Variants in TCF12 observed in about 807,000 individuals in gnomAD.
TCF12 encodes transcription factor 12, also known as DNA-binding protein HTF4.
In TCF12, 45 loss-of-function variants were observed where a neutral mutation model predicts 86.0. The ratio of observed to expected loss-of-function variants is 0.52; its 90% CI spans 0.41 to 0.67. The LOEUF is 0.67. TCF12 is among the 30% of genes least tolerant of loss of function. TCF12 has a pLI of 0.00. For missense variants in TCF12, 881 were observed against 859.9 expected, an observed-to-expected ratio of 1.02 and a Z score of -0.31; for synonymous variants, 330 against 299.6, an observed-to-expected ratio of 1.10 and a Z score of -1.05.
chr15:57,123,982 A>AAAAAAAAAAAAAAAAAAAAAAAAAAAAT (rs1555511574), intron 5 of TCF12, among the ~76,000 whole-genome samples: 1 of 111,214 alleles, frequency 9.0e-6, no homozygotes, highest in African/African-American at 3.0e-5. Flanking sequence ...AAAAAAAAAA[A>AAAAAAAAAAAAAAAAAAAAAAAAAAAAT]TTTTTTTTTT....
intron 4 of TCF12, among the ~76,000 whole-genome samples, chr15:57,086,912 G>C (rs1325891392): frequency 6.6e-6 from 1 of 152,002 alleles, no homozygotes; most frequent in South Asian, 2.1e-4. Flanking sequence ...TTTTAAATGA[G>C]CCGTTTTAAA....
chr15:56,919,684 C>A (rs557711935), intron 1 of TCF12: 5 of 398,482 alleles, frequency 1.3e-5, no homozygotes, highest in Non-Finnish European at 2.3e-5. Flanking sequence ...TCTCGGGCCG[C>A]GGCGAGGAAC....
intron 2 of TCF12, 144 bp from the exon 3 acceptor site, chr15:56,920,882 C>T: frequency 5.6e-6 from 3 of 538,496 alleles, no homozygotes; most frequent in East Asian, 3.2e-5. Flanking sequence ...GTGTATTTGC[C>T]TCTCTGGATC....
intron 5 of TCF12, among the ~76,000 whole-genome samples, chr15:57,093,813 T>C (rs2049146035): frequency 6.6e-6 from 1 of 152,238 alleles, no homozygotes; most frequent in Admixed American, 6.5e-5. Context: ...TAAATATTTG[T>C]AAGTAGATTG....
At chr15:56,951,885 G>A (rs568533200) in intron 3 of TCF12, among the ~76,000 whole-genome samples, 5 of 152,180 alleles carry the variant, frequency 3.3e-5, no homozygotes, top group African/African-American at 9.6e-5. Flanking sequence ...TGGGCTCAGA[G>A]GATTCTCCCA....
intron 3 of TCF12, among the ~76,000 whole-genome samples, chr15:56,986,283 T>C (rs955917861): frequency 1.3e-5 from 2 of 152,164 alleles, no homozygotes; most frequent in Admixed American, 1.3e-4. Flanking sequence ...GGTGTGTATG[T>C]TATCAATGTT....
chr15:56,926,226 T>C (rs1470304391), intron 3 of TCF12, among the ~76,000 whole-genome samples: 2 of 151,930 alleles, frequency 1.3e-5, no homozygotes, highest in Admixed American at 6.6e-5. Flanking sequence ...GGCAGGAGAA[T>C]TGCTTGAACC....
chr15:57,065,626 G>A (rs181678222), intron 4 of TCF12, among the ~76,000 whole-genome samples: 1 of 127,418 alleles, frequency 7.8e-6, no homozygotes, highest in African/African-American at 3.0e-5. Context: ...TCACCGCCCC[G>A]CCCCCCCACC....
At chr15:57,173,892 G>C (rs1038606529) in intron 6 of TCF12, among the ~76,000 whole-genome samples, 9 of 152,012 alleles carry the variant, frequency 5.9e-5, no homozygotes, top group Non-Finnish European at 1.0e-4. Flanking sequence ...ATTTTTAGTA[G>C]AGATGGGGTT....
In TCF12 at chr15:57,117,273, C is replaced by A. The variant is rs796721528; in HGVS notation, c.325+25382C>A. On this transcript the variant is annotated intron_variant, in intron 5 of 20. Coordinates refer to ENST00000333725, the MANE Select transcript of TCF12 (RefSeq NM_207037.2). ...GTTGCCCAGGTTGGGCTCAAACAAT[C>A]CCCCTGCCTCTGCCTCCCAAAATGC... Among the ~76,000 whole-genome samples the A allele has an allele frequency of 4.6e-5, 7 of 152,146 alleles. 1 individual carries two copies. The highest frequency in any genetic ancestry group is 1.7e-4 in the African/African-American group (7 of 41,504).
chr15:56,932,078 ACT>A (rs1454288326), intron 3 of TCF12, among the ~76,000 whole-genome samples: 58 of 152,178 alleles, frequency 3.8e-4, no homozygotes, highest in African/African-American at 1.3e-3. Context: ...TAGCGAGCAG[ACT>A]CTATTCTCAC....
At chr15:57,173,494 G>C (rs1424113030) in intron 6 of TCF12, among the ~76,000 whole-genome samples, 1 of 151,994 alleles carries the variant, frequency 6.6e-6, no homozygotes. Flanking sequence ...AGCTAGACCA[G>C]TTAACACAAG....
chr15:56,919,681 C>T (rs537772594), intron 1 of TCF12: 6 of 388,794 alleles, frequency 1.5e-5, no homozygotes, highest in South Asian at 7.6e-5. Context: ...CGATCTCGGG[C>T]CGCGGCGAGG....
At chr15:57,099,307 G>A (rs1838639184) in intron 5 of TCF12, among the ~76,000 whole-genome samples, 1 of 152,092 alleles carries the variant, frequency 6.6e-6, no homozygotes, top group Admixed American at 6.6e-5. Context: ...TAACGCCTTA[G>A]TTTGAAAGAG....
chr15:57,209,110 A>T (rs1395410124), intron 8 of TCF12, among the ~76,000 whole-genome samples: 1 of 152,222 alleles, frequency 6.6e-6, no homozygotes, highest in Non-Finnish European at 1.5e-5. Flanking sequence ...AATAAGGACT[A>T]CAAGGCCATT....
At chr15:57,093,083 C>T (rs1474275635) in intron 5 of TCF12, among the ~76,000 whole-genome samples, 4 of 152,116 alleles carry the variant, frequency 2.6e-5, no homozygotes, top group African/African-American at 9.7e-5. Context: ...AAAACTGACA[C>T]AAGCAATAAA....
chr15:56,918,469 C>G (rs1452520380), upstream of TCF12: 5 of 333,646 alleles, frequency 1.5e-5, no homozygotes, highest in Non-Finnish European at 2.4e-5. Flanking sequence ...CCGGCCCCAA[C>G]TCCGTCCCGC....
intron 3 of TCF12, among the ~76,000 whole-genome samples, chr15:56,995,188 G>A (rs1308235227): frequency 2.4e-5 from 3 of 127,498 alleles, no homozygotes; most frequent in Non-Finnish European, 3.2e-5. Context: ...TTTGGTTACT[G>A]TAGCCTTGTA....
At chr15:57,182,218 T>G (rs114676960) in intron 6 of TCF12, among the ~76,000 whole-genome samples, 6,889 of 152,174 alleles carry the variant, frequency 0.045, 453 homozygotes, top group African/African-American at 0.15. Context: ...TATGAGCTGA[T>G]ACCTAATTTT....
Sources: gnomAD v4.1 joint callset for allele counts (sites outside exome capture counted in the v4.1 genomes callset) on GRCh38, gnomAD v4.1.1 for gene constraint, MANE v1.5 for transcripts, NCBI Gene and HGNC (gene_info 2026-07-23, HGNC 2026-07-21) for gene names.